KAT14: variants seen among roughly 807,000 people sequenced by gnomAD.
The protein encoded by KAT14 is cysteine-rich protein 2-binding protein.
A neutral mutation model predicts 78.4 loss-of-function variants in KAT14; 66 were observed. The ratio of observed to expected loss-of-function variants is 0.84; its 90% CI spans 0.69 to 1.03. The LOEUF is 1.03. Among genes scored for constraint, KAT14 ranks in the 50% least tolerant of loss-of-function variants. The pLI is 0.00. For missense variants in KAT14, 870 were observed against 972.5 expected (o/e 0.89, Z 1.40); for synonymous variants, 344 against 359.4 (o/e 0.96, Z 0.48).
rs1009023146 is a variant in KAT14 at position 18,145,244 on chromosome 20, G to A, written c.271G>A (p.Glu91Lys). ...QKWIPASQLR[E>K]QLSYLKGDNF... ...TGTTTTTCTCCTAGGTCAGCTGAGG[G>A]AACAGCTCAGTTACCTTAAGGGTGA... Residue 91 changes from glutamate to lysine, a missense_variant, in exon 3 of 11, where the codon GAA (glutamate) becomes AAA (lysine). Transcript: ENST00000688188. 3 of 1,613,942 alleles carry A rather than the reference G, an allele frequency of 1.9e-6. No individual in the cohort carries two copies. Among genetic ancestry groups the A allele is most frequent in the African/African-American group, 2.7e-5 (2 of 74,900 alleles).
chr20:18,141,661 ATTAC>A (rs1450628417), intron 1 of KAT14, among the ~76,000 whole-genome samples: 2 of 152,196 alleles, frequency 1.3e-5, no homozygotes, highest in African/African-American at 4.8e-5. Context: ...AGGCAGGTGG[ATTAC>A]TTGAGATCAG....
intron 7 of KAT14, among the ~76,000 whole-genome samples, chr20:18,179,594 G>C (rs969450405): frequency 2.0e-5 from 3 of 152,144 alleles, no homozygotes; most frequent in Non-Finnish European, 2.9e-5. Flanking sequence ...GGAGCGGCTG[G>C]GGCACAGGGC....
rs1189135809 is a variant in KAT14, at chr20:18,142,689, T to C, written c.29T>C (p.Leu10Pro). The C allele has an allele frequency of 2.5e-6, 4 of 1,614,184 alleles. No homozygotes were observed. Among genetic ancestry groups the C allele is most frequent in the Non-Finnish European group, 3.4e-6 (4 of 1,180,050 alleles). MDSSIHLSS[L>P]ISRHDDEATR... ...GATAGTAGCATCCACCTGAGTAGTC[T>C]GATCAGTCGGCATGATGACGAAGCC... Residue 10 changes from leucine (L) to proline (P), a missense_variant, in exon 2 of 11, where the codon CTG becomes CCG. Physicochemically the swap from Leu to Pro is moderately conservative, Grantham distance 98. Transcript: ENST00000688188.
chr20:18,159,128 GC>G lies in KAT14; in HGVS notation c.546del (p.Ser182ArgfsTer31), dbSNP rs767403392. 6.2e-7 allele frequency: 1 copy of G among 1,613,274 alleles called. No individual in the cohort carries two copies. The highest frequency in any genetic ancestry group is 1.7e-5 in the Admixed American group (1 of 59,726). On this transcript the variant is annotated frameshift_variant, in exon 5 of 11. Transcript: ENST00000688188. LOFTEE classifies it high-confidence loss of function. ...TWWSTVAGCLSVGSPMYFRSG... is the reference protein window; with the variant it reads ...TWWSTVAGCLXVGSPMYFRSG... Reference sequence around the variant, plus strand: ...TGGAGCACCGTGGCAGGTTGCCTCAGCGTGGGAAGTCCCATGTACTTCCGTT... The same window carrying G: ...TGGAGCACCGTGGCAGGTTGCCTCAGGTGGGAAGTCCCATGTACTTCCGTT...
chr20:18,154,642 T>C (rs931950009), intron 4 of KAT14, among the ~76,000 whole-genome samples: 2 of 150,524 alleles, frequency 1.3e-5, no homozygotes, highest in African/African-American at 4.9e-5. Flanking sequence ...CCTCGTAAAG[T>C]TGATTGAAGT....
intron 7 of KAT14, among the ~76,000 whole-genome samples, chr20:18,169,786 G>A (rs995382428): frequency 1.6e-4 from 24 of 152,236 alleles, no homozygotes; most frequent in Admixed American, 3.3e-4. Context: ...GGCTGAAAGC[G>A]AGGCCTCTTG....
intron 7 of KAT14, among the ~76,000 whole-genome samples, chr20:18,176,676 G>C (rs1281876397): frequency 3.9e-5 from 6 of 152,194 alleles, no homozygotes; most frequent in Admixed American, 1.3e-4. Flanking sequence ...GGAACCTGGT[G>C]ATGGCAGAGG....
chr20:18,163,057 G>A, intron 7 of KAT14, 112 bp downstream of exon 7: 2 of 1,377,824 alleles, frequency 1.5e-6, no homozygotes, highest in Non-Finnish European at 1.9e-6. Flanking sequence ...TGAGTAATTT[G>A]GGAAGAGAAA....
At chr20:18,186,562 C>A (rs1243653454) in intron 10 of KAT14, among the ~76,000 whole-genome samples, 1 of 152,100 alleles carries the variant, frequency 6.6e-6, no homozygotes, top group Admixed American at 6.5e-5. Flanking sequence ...TATTTCAGTG[C>A]CTTCTTTATT....
intron 4 of KAT14, among the ~76,000 whole-genome samples, chr20:18,155,543 A>G (rs1038204944): frequency 6.6e-6 from 1 of 152,198 alleles, no homozygotes; most frequent in Non-Finnish European, 1.5e-5. Context: ...GATGGCAGCC[A>G]TTGTTGTTAT....
chr20:18,155,781 G>T (rs778244874), intron 4 of KAT14, among the ~76,000 whole-genome samples: 11 of 152,198 alleles, frequency 7.2e-5, no homozygotes, highest in Admixed American at 2.6e-4. Context: ...CCCTTTTGCA[G>T]TGTTGGTGGG....
chr20:18,181,813 C>T lies in KAT14; in HGVS notation c.1772C>T (p.Pro591Leu). The T allele has an allele frequency of 6.2e-7, 1 of 1,614,144 alleles. No homozygotes were observed. The highest frequency in any genetic ancestry group is 8.5e-7 in the Non-Finnish European group (1 of 1,180,026). ...GCTGTGGACCAGAGTATTGTCAGCC[C>T]TTATACCTCTCGGATCTTGAAACCT... ...DMAVDQSIVS[P>L]YTSRILKPYI... The change falls in exon 8 of 11, where the codon CCT becomes CTT. Residue 591 changes from proline (P) to leucine (L), a missense_variant. Transcript: ENST00000688188.
rs762966546 is a variant in KAT14 at position 18,159,129 on chromosome 20, C to T, written c.546C>T (p.Ser182=). The change falls in exon 5 of 11, where the codon AGC becomes AGT. Residue 182 remains serine (S), a synonymous_variant. Transcript: ENST00000688188. ...TWWSTVAGCL[S]VGSPMYFRSG... ...GGAGCACCGTGGCAGGTTGCCTCAG[C>T]GTGGGAAGTCCCATGTACTTCCGTT... 10 of 1,613,244 alleles carry T rather than the reference C, an allele frequency of 6.2e-6. No homozygotes were observed. The highest frequency in any genetic ancestry group is 1.1e-5 in the South Asian group (1 of 90,970).
At chr20:18,187,182 C>A in intron 10 of KAT14, 104 bp from the exon 11 acceptor site, 1 of 1,419,222 alleles carries the variant, frequency 7.0e-7, no homozygotes, top group Non-Finnish European at 9.3e-7. Flanking sequence ...CTGATTTCTC[C>A]GGTTTCCATA....
At chr20:18,150,749 A>C in intron 3 of KAT14, 72 bp from the exon 4 acceptor site, 1 of 1,597,560 alleles carries the variant, frequency 6.3e-7, no homozygotes, top group Non-Finnish European at 8.5e-7. Context: ...AAACAGAAGA[A>C]GCTTTTCCCC....
chr20:18,138,082 CCG>C (rs779680199), intron 1 of KAT14, 31 bp downstream of exon 1: 6 of 1,443,436 alleles, frequency 4.2e-6, no homozygotes, highest in Admixed American at 5.5e-5. Flanking sequence ...TCTTCCGGGC[CCG>C]CGCGCGCGGC....
rs1355762321 is a variant in KAT14 at position 18,162,197 on chromosome 20, G to T, written c.1057G>T (p.Asp353Tyr). 6.2e-7 allele frequency: 1 copy of T among 1,614,142 alleles called. No individual in the cohort carries two copies. The highest frequency in any genetic ancestry group is 1.1e-5 in the South Asian group (1 of 91,086). ...SATPSLLSEA[D>Y]LIPDVMPPQA... ...CACACCTAGCTTGCTTTCAGAAGCA[G>T]ATCTGATTCCAGATGTGATGCCCCC... is the stretch of plus-strand genomic sequence containing the variant. Residue 353 changes from aspartate (D) to tyrosine (Y), a missense_variant, in exon 6 of 11, where the codon GAT (aspartate) becomes TAT (tyrosine). Asp to Tyr is a radical substitution (Grantham distance 160). Transcript: ENST00000688188.
At chr20:18,158,950 C>G in intron 4 of KAT14, 134 bp from the exon 5 acceptor site, 1 of 1,095,214 alleles carries the variant, frequency 9.1e-7, no homozygotes, top group Non-Finnish European at 1.2e-6. Context: ...TCTCTCCTGC[C>G]TCTCGTGCTC....
chr20:18,160,994 A>T (rs2038398369), intron 5 of KAT14, among the ~76,000 whole-genome samples: 4 of 152,078 alleles, frequency 2.6e-5, no homozygotes, highest in Admixed American at 1.3e-4. Context: ...GGCCAACATG[A>T]TGAAACCCCA....
Sources: gnomAD v4.1 joint callset for allele counts (sites outside exome capture counted in the v4.1 genomes callset) on GRCh38, gnomAD v4.1.1 for gene constraint, MANE v1.5 for transcripts, NCBI Gene and HGNC (gene_info 2026-07-23, HGNC 2026-07-21) for gene names.